The following WDR7 variants were observed in gnomAD, a reference collection of about 807,000 sequenced individuals.
The protein encoded by WDR7 is WD repeat-containing protein 7.
A neutral mutation model predicts 169.4 loss-of-function variants in WDR7; 46 were observed. The ratio of observed to expected loss-of-function variants is 0.27; its 90% CI spans 0.21 to 0.35. WDR7 has a LOEUF of 0.35. Among genes scored for constraint, WDR7 ranks in the 10% least tolerant of loss-of-function variants. WDR7 has a pLI of 1.00. For synonymous variants in WDR7, 612 were observed against 666.8 expected (o/e 0.92, Z 1.27); for missense variants, 1,534 against 1,859.3 (o/e 0.83, Z 3.22).
At chr18:56,657,318 C>T (rs748048989) in intron 1 of WDR7, among the ~76,000 whole-genome samples, 20 of 152,062 alleles carry the variant, frequency 1.3e-4, no homozygotes, top group East Asian at 3.9e-4. Context: ...CCAGGACACC[C>T]GGCCAATTTT....
chr18:57,010,059 A>G, intron 26 of WDR7: 4 of 985,472 alleles, frequency 4.1e-6, no homozygotes, highest in Non-Finnish European at 4.8e-6. Context: ...TAAAAGCCTG[A>G]AATGTCTAGA....
chr18:56,845,706 A>G (rs2045556269), intron 20 of WDR7, among the ~76,000 whole-genome samples: 1 of 152,170 alleles, frequency 6.6e-6, no homozygotes, highest in African/African-American at 2.4e-5. Context: ...TTAGCTGGTA[A>G]TCTCCAATTT....
chr18:56,802,178 T>G (rs774674490), intron 19 of WDR7, among the ~76,000 whole-genome samples: 1 of 152,236 alleles, frequency 6.6e-6, no homozygotes, highest in Non-Finnish European at 1.5e-5. Flanking sequence ...TATCTCACTA[T>G]GATTTTAGTT....
chr18:56,984,745 A>AT (rs2047689958), intron 26 of WDR7, among the ~76,000 whole-genome samples: 1 of 151,966 alleles, frequency 6.6e-6, no homozygotes, highest in South Asian at 2.1e-4. Flanking sequence ...TTGTGTTTGG[A>AT]TTTTTTGGAA....
chr18:56,861,083 T>C (rs1391360358), intron 20 of WDR7, among the ~76,000 whole-genome samples: 1 of 151,944 alleles, frequency 6.6e-6, no homozygotes, highest in Non-Finnish European at 1.5e-5. Flanking sequence ...TAAATACTTT[T>C]GTAAAATACA....
intron 6 of WDR7, 42 bp from the exon 7 acceptor site, chr18:56,686,813 C>T (rs2025452922): frequency 1.4e-6 from 2 of 1,454,102 alleles, no homozygotes; most frequent in East Asian, 4.6e-5. Context: ...TTTTAATTGA[C>T]AATCATGCTA....
At chr18:56,688,451 C>G (rs1418908446) in intron 7 of WDR7, among the ~76,000 whole-genome samples, 2 of 151,856 alleles carry the variant, frequency 1.3e-5, no homozygotes, top group African/African-American at 4.8e-5. Context: ...GGCATGGTGG[C>G]TCATGCCTGT....
chr18:57,027,626 A>C lies in WDR7; in HGVS notation c.*419A>C, dbSNP rs149607294. ...GCTGCTTGAATCTGGCCGTTCTGACACTGGGTGTTGAGGTCATGTGGCAGT... is the reference window on the plus strand; with the variant it reads ...GCTGCTTGAATCTGGCCGTTCTGACCCTGGGTGTTGAGGTCATGTGGCAGT... On this transcript the variant is annotated 3_prime_UTR_variant, in exon 28 of 28. Coordinates refer to ENST00000254442, the MANE Select transcript of WDR7 (RefSeq NM_015285.3). 7.1e-3 allele frequency: 1,370 copies of C among 192,256 alleles called. 11 individuals carry two copies. The highest frequency in any genetic ancestry group is 0.013 in the Middle Eastern group (7 of 536). The allele number at this position is 192,256 out of a possible 1,614,324, so 11.9% of individuals were successfully genotyped here.
chr18:57,034,500 G>T (rs1227996610), downstream of WDR7: 1 of 152,230 alleles, frequency 6.6e-6, no homozygotes, highest in East Asian at 1.9e-4. Context: ...GAGTTTGGGA[G>T]CTGAGCCACC....
chr18:56,805,378 A>T (rs1250379289), intron 19 of WDR7, among the ~76,000 whole-genome samples: 1 of 152,036 alleles, frequency 6.6e-6, no homozygotes, highest in Admixed American at 6.6e-5. Context: ...AGAATTTGGG[A>T]TTTTACTGTT....
intron 20 of WDR7, among the ~76,000 whole-genome samples, chr18:56,832,554 C>G (rs185626632): frequency 4.3e-4 from 65 of 152,304 alleles, no homozygotes; most frequent in African/African-American, 1.5e-3. Context: ...GGAGATACCT[C>G]CCAGCAGGGG....
At chr18:56,809,241 A>G (rs186905742) in intron 19 of WDR7, among the ~76,000 whole-genome samples, 1 of 151,998 alleles carries the variant, frequency 6.6e-6, no homozygotes, top group African/African-American at 2.4e-5. Flanking sequence ...TTTCTTTTTT[A>G]TTATATCTCT....
At chr18:56,826,718 A>C (rs2045210993) in intron 20 of WDR7, among the ~76,000 whole-genome samples, 1 of 152,200 alleles carries the variant, frequency 6.6e-6, no homozygotes, top group African/African-American at 2.4e-5. Context: ...AAGATGGATG[A>C]ATTAAATCCA....
chr18:56,713,737 G>C (rs555021005), intron 12 of WDR7, among the ~76,000 whole-genome samples: 1 of 152,290 alleles, frequency 6.6e-6, no homozygotes, highest in South Asian at 2.1e-4. Flanking sequence ...GGTGAAATAG[G>C]TGTTCAGTAA....
At chr18:56,893,782 C>G (rs1016236436) in intron 21 of WDR7, among the ~76,000 whole-genome samples, 1 of 152,048 alleles carries the variant, frequency 6.6e-6, no homozygotes, top group Non-Finnish European at 1.5e-5. Flanking sequence ...GCTACCTAGG[C>G]CCTTCGCACT....
intron 12 of WDR7, among the ~76,000 whole-genome samples, chr18:56,700,512 C>G (rs2025805536): frequency 6.7e-6 from 1 of 149,438 alleles, no homozygotes; most frequent in African/African-American, 2.5e-5. Context: ...ACCTCGGCCT[C>G]TCAAAGTGCT....
intron 20 of WDR7, among the ~76,000 whole-genome samples, chr18:56,865,951 T>A (rs1417253299): frequency 6.6e-6 from 1 of 152,168 alleles, no homozygotes; most frequent in Non-Finnish European, 1.5e-5. Context: ...TTTGCTTGCT[T>A]ATTATTTTTT....
chr18:56,938,565 C>T lies in WDR7; in HGVS notation c.3864C>T (p.Thr1288=). 6.2e-7 allele frequency: 1 copy of T among 1,613,614 alleles called. No homozygotes were observed. The stretch of plus-strand genomic sequence containing the variant: ...GACATACGGCTCTTGCAGCAAATAC[C>T]CAATCACAGCAGAATATGCACACAA... ...VHRHTALAAN[T]QSQQNMHTTT... Residue 1288 remains threonine (T), a synonymous_variant, in exon 24 of 28, where the codon ACC becomes ACT. Transcript: ENST00000254442.
At chr18:56,782,196 A>T (rs1568191645) in intron 19 of WDR7, 1 of 152,220 alleles carries the variant, frequency 6.6e-6, no homozygotes, top group African/African-American at 2.4e-5. Flanking sequence ...TTTTTTGAAT[A>T]TTCTTTTGCA....
Sources: gnomAD v4.1 joint callset for allele counts (sites outside exome capture counted in the v4.1 genomes callset) on GRCh38, gnomAD v4.1.1 for gene constraint, MANE v1.5 for transcripts, NCBI Gene and HGNC (gene_info 2026-07-23, HGNC 2026-07-21) for gene names.